CDK5RAP2: variants seen among roughly 807,000 people sequenced by gnomAD.
CDK5RAP2 encodes the protein CDK5 regulatory subunit associated protein 2.
Under a neutral mutation model 232.9 loss-of-function variants are expected in CDK5RAP2, and 147 were observed. The ratio of observed to expected loss-of-function variants is 0.63; its 90% CI spans 0.55 to 0.72. The LOEUF is 0.72. CDK5RAP2 is among the 30% of genes least tolerant of loss of function. The pLI, the probability that CDK5RAP2 is intolerant of heterozygous loss-of-function variation, is 0.00. For missense variants in CDK5RAP2, 2,195 were observed against 2,231.5 expected (o/e 0.98, Z 0.33); for synonymous variants, 833 against 833.7 (o/e 1.00, Z 0.01).
chr9:120,545,857 G>C, intron 4 of CDK5RAP2, 67 bp from the exon 5 acceptor site: 1 of 1,247,502 alleles, frequency 8.0e-7, no homozygotes, highest in Non-Finnish European at 1.2e-6. Context: ...GTCAACAATG[G>C]GGAAACTGCT....
In CDK5RAP2 at chr9:120,536,402, G is replaced by A. The variant is rs1266143749; in HGVS notation, c.632C>T (p.Ala211Val). The A allele has an allele frequency of 4.3e-6, 7 of 1,614,122 alleles. No individual in the cohort carries two copies. The highest frequency in any genetic ancestry group is 1.1e-5 in the South Asian group (1 of 91,072). Residue 211 changes from alanine to valine, a missense_variant, in exon 7 of 38, where the codon GCG becomes GTG. Coordinates refer to ENST00000349780, the MANE Select transcript of CDK5RAP2 (RefSeq NM_018249.6). Reference protein sequence around the residue: ...EMKKMHEGDLAMALVLDEKDR... With the variant: ...EMKKMHEGDLVMALVLDEKDR... ...TTTCTCATCCAGGACCAGAGCCATC[G>A]CCAAGTCCCCCTCGTGCATCTTCTT...
In CDK5RAP2 at chr9:120,403,107, A is replaced by G. The variant is rs2033175012; in HGVS notation, c.5042-36T>C. ...AGAAGTAGGATGTAAAATCTGTTTC[A>G]GGTAACACTCTGCGTTCAAGACGCT... On this transcript the variant is annotated intron_variant, in intron 33 of 37. Transcript: ENST00000349780. This position sits in a 1 kb window ranked among gnomAD's most constrained non-coding sequence, Gnocchi z 4.2. 6.2e-7 allele frequency: 1 copy of G among 1,609,888 alleles called. No individual in the cohort carries two copies. The highest frequency in any genetic ancestry group is 8.5e-7 in the Non-Finnish European group (1 of 1,176,426).
chr9:120,392,091 A>G (rs1399975392), intron 36 of CDK5RAP2, among the ~76,000 whole-genome samples: 1 of 152,184 alleles, frequency 6.6e-6, no homozygotes, highest in Non-Finnish European at 1.5e-5. Context: ...TGCCACCTCC[A>G]TGCATAGGAT....
intron 3 of CDK5RAP2, among the ~76,000 whole-genome samples, chr9:120,557,312 T>C (rs952534773): frequency 6.6e-6 from 1 of 152,182 alleles, no homozygotes; most frequent in African/African-American, 2.4e-5. Flanking sequence ...CTCTACTTTA[T>C]CAGAGCAATG....
chr9:120,492,776 GTATA>G (rs1295345593), intron 12 of CDK5RAP2, among the ~76,000 whole-genome samples: 1 of 152,032 alleles, frequency 6.6e-6, no homozygotes, highest in African/African-American at 2.4e-5. Context: ...AACTGTGTGA[GTATA>G]TATAACATAT....
At chr9:120,565,472 G>A (rs1045651701) in intron 3 of CDK5RAP2, among the ~76,000 whole-genome samples, 2 of 152,116 alleles carry the variant, frequency 1.3e-5, no homozygotes, top group Admixed American at 1.3e-4. Flanking sequence ...ATCCATTGCT[G>A]GTTCCCTTTC....
chr9:120,489,549 A>T (rs1408924007), intron 13 of CDK5RAP2, among the ~76,000 whole-genome samples: 1 of 151,738 alleles, frequency 6.6e-6, no homozygotes, highest in Non-Finnish European at 1.5e-5. Context: ...TTATTTGTTT[A>T]GTTCTATTTT....
intron 3 of CDK5RAP2, among the ~76,000 whole-genome samples, chr9:120,558,046 G>A (rs867712219): frequency 1.5e-4 from 21 of 144,560 alleles, no homozygotes; most frequent in South Asian, 6.9e-4. Flanking sequence ...GATTACAGGC[G>A]TGAGCCACCG....
At chr9:120,422,103 T>C (rs2034600697) in intron 26 of CDK5RAP2, among the ~76,000 whole-genome samples, 2 of 152,222 alleles carry the variant, frequency 1.3e-5, no homozygotes, top group African/African-American at 4.8e-5. Context: ...ATGTGGTAAA[T>C]GCTGTAATGT....
intron 18 of CDK5RAP2, among the ~76,000 whole-genome samples, chr9:120,466,050 T>C (rs1373309028): frequency 6.6e-6 from 1 of 152,198 alleles, no homozygotes; most frequent in Non-Finnish European, 1.5e-5. Flanking sequence ...GGTAATGCTA[T>C]GGGTTAATTA....
intron 7 of CDK5RAP2, among the ~76,000 whole-genome samples, chr9:120,533,177 A>G (rs2041230064): frequency 6.6e-6 from 1 of 152,108 alleles, no homozygotes; most frequent in Non-Finnish European, 1.5e-5. Context: ...ATCACGACAT[A>G]TATTTTTTTT....
At position 120,389,200 on chromosome 9, in the gene CDK5RAP2, G is replaced by C. The variant is rs781365582; in HGVS notation, c.*36C>G. On this transcript the variant is annotated 3_prime_UTR_variant, in exon 38 of 38. Coordinates refer to ENST00000349780, the MANE Select transcript of CDK5RAP2 (RefSeq NM_018249.6). ...AACAAAGAGACAGCGTGAGCTCGGT[G>C]GGGGAAGCACAAGCTTTATTGGCTG... The C allele has an allele frequency of 1.9e-6, 3 of 1,576,810 alleles. No homozygotes were observed. The highest frequency in any genetic ancestry group is 2.6e-6 in the Non-Finnish European group (3 of 1,149,496).
chr9:120,486,408 T>TA (rs1348783844), intron 14 of CDK5RAP2, among the ~76,000 whole-genome samples: 2 of 146,094 alleles, frequency 1.4e-5, no homozygotes, highest in African/African-American at 2.6e-5. Context: ...GGTTTTTCTT[T>TA]TAAAAAAAAA....
chr9:120,452,238 GTCTCTCTCTCTCTC>G (rs373806149), intron 21 of CDK5RAP2, among the ~76,000 whole-genome samples: 8 of 142,950 alleles, frequency 5.6e-5, no homozygotes, highest in East Asian at 2.1e-4. Context: ...TATAATGGCA[GTCTCTCTCTCTCTC>G]TCTCTCTCTC....
intron 21 of CDK5RAP2, 137 bp from the exon 22 acceptor site, chr9:120,448,263 A>T (rs112598181): frequency 0.026 from 18,824 of 726,286 alleles, 321 homozygotes; most frequent in East Asian, 0.07. Flanking sequence ...AATGGCAGCT[A>T]TGCTTATCCA....
intron 4 of CDK5RAP2, among the ~76,000 whole-genome samples, chr9:120,546,998 T>G (rs1042277554): frequency 6.6e-6 from 1 of 151,926 alleles, no homozygotes; most frequent in Non-Finnish European, 1.5e-5. Context: ...TTTTTTTTGT[T>G]TTTTTGAGAT....
chr9:120,389,839 G>A (rs767965200), intron 36 of CDK5RAP2, 52 bp from the exon 37 acceptor site: 4 of 1,571,350 alleles, frequency 2.5e-6, no homozygotes, highest in Non-Finnish European at 3.5e-6. Context: ...ATCCAGGAGA[G>A]CTGTGTGAAA....
chr9:120,404,072 G>T lies in CDK5RAP2; in HGVS notation c.5005C>A (p.Leu1669Met). ...YPMESDNSFD[L>M]FDSSQAVTPK... ...GTCACTGCCTGGGAGGAATCAAACA[G>T]ATCAAATGAATTATCACTTTCCATG... is the stretch of plus-strand genomic sequence containing the variant. Residue 1669 changes from leucine to methionine, a missense_variant, in exon 33 of 38, where the codon CTG (leucine) becomes ATG (methionine). Transcript: ENST00000349780. 1.2e-6 allele frequency: 2 copies of T among 1,613,656 alleles called. No homozygotes were observed. The highest frequency in any genetic ancestry group is 1.7e-6 in the Non-Finnish European group (2 of 1,179,520).
intron 10 of CDK5RAP2, 129 bp downstream of exon 10, chr9:120,527,677 A>G (rs1179056070): frequency 9.8e-6 from 10 of 1,019,534 alleles, no homozygotes; most frequent in Non-Finnish European, 1.4e-5. Context: ...CTAGAGGATC[A>G]TTTCCCCACT....
Sources: allele counts gnomAD v4.1 joint callset (sites outside exome capture counted in the v4.1 genomes callset), GRCh38; gene constraint gnomAD v4.1.1; non-coding constraint Gnocchi (gnomAD v3.1); transcripts MANE v1.5; gene names NCBI Gene and HGNC (gene_info 2026-07-23, HGNC 2026-07-21).